CAST: variants seen among roughly 807,000 people sequenced by gnomAD.
CAST encodes the protein MIR583 host.
Under a neutral mutation model 119.6 loss-of-function variants are expected in CAST, and 76 were observed. The observed-to-expected ratio is 0.64, with a 90% confidence interval of 0.53 to 0.77. The LOEUF (loss-of-function observed/expected upper bound fraction) is 0.77, where lower values mean the gene tolerates loss of function less well. Ranked by LOEUF, CAST falls within the 30% of genes least tolerant of loss-of-function variation. The probability of loss-of-function intolerance (pLI) is 0.00; values close to 1 mark genes in which losing one functional copy is unlikely to be tolerated. For synonymous variants in CAST, 319 were observed against 331.6 expected (o/e 0.96, Z 0.41); for missense variants, 953 against 946.5 (o/e 1.01, Z -0.09).
chr5:95,974,186 C>T, the CAST span, among the ~76,000 whole-genome samples: 1 of 152,196 alleles, frequency 6.6e-6, no homozygotes, highest in African/African-American at 2.4e-5. Context: ...CCATTGATAA[C>T]CAGCTTCCTG....
the CAST span, among the ~76,000 whole-genome samples, chr5:96,152,920 C>T: frequency 0.042 from 6,362 of 152,184 alleles, 422 homozygotes; most frequent in African/African-American, 0.14. Flanking sequence ...CAGAAAGTTC[C>T]TGTAAGATGT....
intron 1 of CAST, among the ~76,000 whole-genome samples, chr5:96,597,291 A>T (rs72772019): frequency 0.036 from 5,534 of 152,318 alleles, 139 homozygotes; most frequent in African/African-American, 0.07. Context: ...TGCCCTAAAA[A>T]AGAAAAGGAT....
chr5:96,370,977 C>T, the CAST span, among the ~76,000 whole-genome samples: 533 of 152,170 alleles, frequency 3.5e-3, 5 homozygotes, highest in African/African-American at 0.012. Flanking sequence ...CTTCCAATTC[C>T]GGGTACCTAT....
the CAST span, among the ~76,000 whole-genome samples, chr5:96,325,369 C>T: frequency 4.0e-4 from 14 of 34,698 alleles, no homozygotes; most frequent in Non-Finnish European, 7.2e-4. Flanking sequence ...ATCTTTCTTT[C>T]TTTTCTTTCT....
the CAST span, among the ~76,000 whole-genome samples, chr5:96,268,616 A>G: frequency 1.3e-5 from 2 of 152,100 alleles, no homozygotes; most frequent in South Asian, 4.1e-4. Context: ...AAATAAATCA[A>G]AAATAAAAGG....
chr5:96,413,698 G>A, the CAST span, among the ~76,000 whole-genome samples: 1 of 151,392 alleles, frequency 6.6e-6, no homozygotes, highest in Non-Finnish European at 1.5e-5. Flanking sequence ...TACTCAGGAG[G>A]CTGAGGCACA....
intron 1 of CAST, among the ~76,000 whole-genome samples, chr5:96,573,083 G>A (rs1746600091): frequency 1.3e-5 from 2 of 152,210 alleles, no homozygotes; most frequent in African/African-American, 2.4e-5. Context: ...AATGCATGAT[G>A]TAAGTAACTG....
chr5:96,720,705 T>G (rs1758077253), intron 3 of CAST, among the ~76,000 whole-genome samples: 1 of 152,264 alleles, frequency 6.6e-6, no homozygotes, highest in South Asian at 2.1e-4. Context: ...GAAAGTTTTC[T>G]CCTTTCTGGA....
chr5:96,700,406 A>G (rs911970069), intron 3 of CAST, among the ~76,000 whole-genome samples: 3 of 152,228 alleles, frequency 2.0e-5, no homozygotes, highest in African/African-American at 7.2e-5. Context: ...AGTAATGTAC[A>G]AATAATAACC....
intron 1 of CAST, among the ~76,000 whole-genome samples, chr5:96,558,510 A>C (rs1370169600): frequency 2.6e-5 from 4 of 152,248 alleles, no homozygotes; most frequent in Non-Finnish European, 4.4e-5. Context: ...ACGCACTAAA[A>C]AATGATAAAG....
the CAST span, among the ~76,000 whole-genome samples, chr5:96,228,015 G>GTGTGTGCACGCACA: frequency 6.6e-6 from 1 of 152,120 alleles, no homozygotes; most frequent in Non-Finnish European, 1.5e-5. Flanking sequence ...GTGTGTGTGT[G>GTGTGTGCACGCACA]TGTGTGTGTG....
chr5:96,318,936 T>C, the CAST span: 1 of 152,206 alleles, frequency 6.6e-6, no homozygotes, highest in Admixed American at 6.5e-5. Flanking sequence ...GACAACCCTA[T>C]GAGGTAGTGT....
chr5:96,748,791 A>G (rs1472346404), intron 19 of CAST, 178 bp downstream of exon 19: 11 of 507,008 alleles, frequency 2.2e-5, no homozygotes, highest in Non-Finnish European at 3.5e-5. Context: ...TAACCCTGAT[A>G]TTCTTGCAAT....
chr5:95,985,018 T>G, the CAST span, among the ~76,000 whole-genome samples: 1 of 152,114 alleles, frequency 6.6e-6, no homozygotes, highest in Admixed American at 6.6e-5. Flanking sequence ...TATAGTTACC[T>G]ATATGGCTGA....
chr5:96,402,204 T>A, the CAST span, among the ~76,000 whole-genome samples: 135 of 152,248 alleles, frequency 8.9e-4, no homozygotes, highest in African/African-American at 3.1e-3. Flanking sequence ...GGCTCCTAGT[T>A]AAAAACCGTG....
intron 1 of CAST, among the ~76,000 whole-genome samples, chr5:96,606,362 T>C (rs1161444768): frequency 6.6e-6 from 1 of 152,224 alleles, no homozygotes; most frequent in African/African-American, 2.4e-5. Context: ...GAGTGTCAGA[T>C]TTTTATCTGT....
At chr5:96,016,829 G>GTTTTTTT in the CAST span, among the ~76,000 whole-genome samples, 16 of 97,654 alleles carry the variant, frequency 1.6e-4, no homozygotes, top group Non-Finnish European at 1.9e-4. Context: ...GGTTATCTGG[G>GTTTTTTT]TTTTTTTTTT....
At chr5:96,463,238 T>C in the CAST span, among the ~76,000 whole-genome samples, 1 of 152,162 alleles carries the variant, frequency 6.6e-6, no homozygotes, top group Admixed American at 6.5e-5. Context: ...AATTTGAAAC[T>C]CAGCTTCATT....
the CAST span, among the ~76,000 whole-genome samples, chr5:96,177,995 TA>T: frequency 6.6e-6 from 1 of 152,216 alleles, no homozygotes; most frequent in African/African-American, 2.4e-5. Context: ...GAAAATGCTC[TA>T]AAAATGAATT....
Sources: allele counts gnomAD v4.1 joint callset (sites outside exome capture counted in the v4.1 genomes callset), GRCh38; gene constraint gnomAD v4.1.1; transcripts MANE v1.5; gene names NCBI Gene and HGNC (gene_info 2026-07-23, HGNC 2026-07-21).